The following DLGAP2 variants were observed in gnomAD, a reference collection of about 807,000 sequenced individuals.
The protein encoded by DLGAP2 is disks large-associated protein 2.
In DLGAP2, 26 loss-of-function variants were observed where a neutral mutation model predicts 100.3. The ratio of observed to expected loss-of-function variants is 0.26; its 90% CI spans 0.19 to 0.36. The LOEUF (loss-of-function observed/expected upper bound fraction) is 0.36, where lower values mean the gene tolerates loss of function less well. Among genes scored for constraint, DLGAP2 ranks in the 10% least tolerant of loss-of-function variants. The pLI, the probability that DLGAP2 is intolerant of heterozygous loss-of-function variation, is 1.00. For synonymous variants in DLGAP2, 886 were observed against 630.1 expected, an observed-to-expected ratio of 1.41 and a Z score of -6.08; for missense variants, 1,858 against 1,453.2, an observed-to-expected ratio of 1.28 and a Z score of -4.53.
At chr8:822,467 A>G (rs924519222) in intron 1 of DLGAP2, among the ~76,000 whole-genome samples, 1 of 152,168 alleles carries the variant, frequency 6.6e-6, no homozygotes, top group African/African-American at 2.4e-5. Flanking sequence ...TGTGTTTAAA[A>G]ACTTCTCATG....
intron 2 of DLGAP2, among the ~76,000 whole-genome samples, chr8:1,172,894 C>T (rs535854240): frequency 7.2e-5 from 11 of 152,224 alleles, no homozygotes; most frequent in African/African-American, 2.4e-4. Flanking sequence ...CAAAGTCATT[C>T]TCCGTCCAGC....
chr8:1,628,959 A>C (rs1563267021), intron 7 of DLGAP2, among the ~76,000 whole-genome samples: 1 of 152,264 alleles, frequency 6.6e-6, no homozygotes, highest in Non-Finnish European at 1.5e-5. Flanking sequence ...CAAAGAGTCC[A>C]GCATATACTG....
At chr8:1,036,617 C>A (rs925311144) in intron 2 of DLGAP2, among the ~76,000 whole-genome samples, 18 of 152,098 alleles carry the variant, frequency 1.2e-4, no homozygotes, top group Non-Finnish European at 1.2e-4. Flanking sequence ...GGAGGCCTGG[C>A]AGGCTATAGA....
chr8:1,160,843 T>C (rs555931954), intron 2 of DLGAP2, among the ~76,000 whole-genome samples: 5 of 152,346 alleles, frequency 3.3e-5, no homozygotes, highest in African/African-American at 1.2e-4. Context: ...ATTCCGCCTC[T>C]AGTTTGACTG....
intron 1 of DLGAP2, among the ~76,000 whole-genome samples, chr8:848,846 G>C (rs1407971275): frequency 6.6e-6 from 1 of 151,736 alleles, no homozygotes; most frequent in Non-Finnish European, 1.5e-5. Context: ...ATCTTGTGAT[G>C]TGTGTTCCAG....
intron 2 of DLGAP2, among the ~76,000 whole-genome samples, chr8:1,219,311 G>C (rs1798272509): frequency 1.3e-5 from 2 of 152,060 alleles, no homozygotes; most frequent in African/African-American, 4.8e-5. Flanking sequence ...TAGTTTGTGA[G>C]GGTTTTTAAC....
chr8:986,944 G>A (rs1800505109), intron 2 of DLGAP2, among the ~76,000 whole-genome samples: 1 of 152,194 alleles, frequency 6.6e-6, no homozygotes, highest in African/African-American at 2.4e-5. Flanking sequence ...ACAGGCATGA[G>A]CCACCGCACC....
At chr8:921,292 C>A (rs981415926) in intron 2 of DLGAP2, among the ~76,000 whole-genome samples, 12 of 152,216 alleles carry the variant, frequency 7.9e-5, no homozygotes, top group South Asian at 2.1e-4. Context: ...GTTGGTCAGA[C>A]CCGTCCTCCC....
chr8:837,365 C>T (rs749641825), intron 1 of DLGAP2, among the ~76,000 whole-genome samples: 9 of 152,234 alleles, frequency 5.9e-5, no homozygotes, highest in Non-Finnish European at 1.0e-4. Flanking sequence ...GTTCCTGACT[C>T]ATAATAAATG....
intron 3 of DLGAP2, among the ~76,000 whole-genome samples, chr8:1,447,657 A>G (rs1392730550): frequency 6.6e-6 from 1 of 152,214 alleles, no homozygotes; most frequent in Non-Finnish European, 1.5e-5. Context: ...TTTCAGAAGG[A>G]ATGTTACCAG....
intron 2 of DLGAP2, among the ~76,000 whole-genome samples, chr8:1,213,846 G>A (rs981974687): frequency 6.6e-6 from 1 of 152,192 alleles, no homozygotes; most frequent in African/African-American, 2.4e-5. Flanking sequence ...GGTGATCCCT[G>A]CTTGCCTAGA....
chr8:1,262,365 A>T (rs751391498), intron 3 of DLGAP2: 1 of 152,182 alleles, frequency 6.6e-6, no homozygotes, highest in Non-Finnish European at 1.5e-5. Flanking sequence ...ATGAGATAAA[A>T]ATGTTTAAAA....
chr8:833,333 T>TA (rs997067719), intron 1 of DLGAP2, among the ~76,000 whole-genome samples: 12 of 152,178 alleles, frequency 7.9e-5, no homozygotes, highest in Non-Finnish European at 2.9e-5. Context: ...TTTATTATCT[T>TA]AGAGTTCTGG....
In DLGAP2 at chr8:954,349, A is replaced by G. The variant is rs571533836; in HGVS notation, c.73+46383A>G. Among the ~76,000 whole-genome samples the G allele has an allele frequency of 4.6e-5, 7 of 152,284 alleles. No individual in the cohort carries two copies. In the East Asian group the frequency reaches 7.7e-4, roughly 17 times the overall value. On this transcript the variant is annotated intron_variant, in intron 2 of 14. Transcript: ENST00000637795. ...TTGTATTACCCTTTGACATTTCTCC[A>G]TCCCTCTCGCCTCCCTTCAGCCCCT...
intron 1 of DLGAP2, among the ~76,000 whole-genome samples, chr8:871,975 A>G (rs1358845160): frequency 1.3e-5 from 2 of 152,128 alleles, no homozygotes; most frequent in African/African-American, 2.4e-5. Context: ...CATACTCTAC[A>G]GTTTTTGCGT....
chr8:1,428,912 C>A lies in DLGAP2; in HGVS notation c.107-72454C>A, dbSNP rs565833730. Among the ~76,000 whole-genome samples, 10 of 152,288 alleles carry A rather than the reference C, an allele frequency of 6.6e-5. No homozygotes were observed. In the South Asian group the frequency reaches 1.9e-3, roughly 28 times the overall value. On this transcript the variant is annotated intron_variant, in intron 3 of 14. Coordinates refer to ENST00000637795, the MANE Select transcript of DLGAP2 (RefSeq NM_001346810.2). Reference sequence around the variant, plus strand: ...GGACGTCGTCTCATGCCCTGCTTGGCTATCTAGGGTGAGCCATCCTTGTTT... The same window carrying A: ...GGACGTCGTCTCATGCCCTGCTTGGATATCTAGGGTGAGCCATCCTTGTTT...
At chr8:1,157,652 G>A (rs942667136) in intron 2 of DLGAP2, among the ~76,000 whole-genome samples, 13 of 152,154 alleles carry the variant, frequency 8.5e-5, no homozygotes, top group Admixed American at 7.2e-4. Context: ...CAAATGTACT[G>A]TAGGAAGATA....
intron 2 of DLGAP2, among the ~76,000 whole-genome samples, chr8:988,254 C>T (rs1449808337): frequency 6.6e-6 from 1 of 152,174 alleles, no homozygotes; most frequent in Non-Finnish European, 1.5e-5. Context: ...AGATGCAAAA[C>T]AGAATTTTAT....
At chr8:1,661,364 A>C (rs948457166) in intron 8 of DLGAP2, among the ~76,000 whole-genome samples, 1 of 152,150 alleles carries the variant, frequency 6.6e-6, no homozygotes, top group Non-Finnish European at 1.5e-5. Context: ...GCAGGGAGTA[A>C]CATCACTGTT....
Sources: allele counts gnomAD v4.1 joint callset (sites outside exome capture counted in the v4.1 genomes callset), GRCh38; gene constraint gnomAD v4.1.1; transcripts MANE v1.5; gene names NCBI Gene and HGNC (gene_info 2026-07-23, HGNC 2026-07-21).